The following THSD7B variants were observed in gnomAD, a reference collection of about 807,000 sequenced individuals.
THSD7B encodes thrombospondin type-1 domain-containing protein 7B.
THSD7B carries 138 observed loss-of-function variants against 213.6 expected under a neutral mutation model. The observed-to-expected ratio is 0.65, with a 90% CI of 0.56 to 0.74. The LOEUF (loss-of-function observed/expected upper bound fraction) is 0.74. Ranked by LOEUF, THSD7B falls within the 30% of genes least tolerant of loss-of-function variation. The probability of loss-of-function intolerance (pLI) is 0.00; values close to 1 mark genes in which losing one functional copy is unlikely to be tolerated. For synonymous variants in THSD7B, 742 were observed against 687.0 expected, an observed-to-expected ratio of 1.08 and a Z score of -1.25; for missense variants, 1,931 against 1,991.5, an observed-to-expected ratio of 0.97 and a Z score of 0.58.
At chr2:137,255,157 C>A (rs1323002834) in intron 10 of THSD7B, among the ~76,000 whole-genome samples, 1 of 152,006 alleles carries the variant, frequency 6.6e-6, no homozygotes, top group African/African-American at 2.4e-5. Flanking sequence ...TTCCTTCCAC[C>A]CAAAATCAGA....
intron 21 of THSD7B, among the ~76,000 whole-genome samples, chr2:137,649,370 A>G (rs1317411930): frequency 6.6e-6 from 1 of 152,302 alleles, no homozygotes; most frequent in Non-Finnish European, 1.5e-5. Context: ...CCTGGAGCAT[A>G]TTCCCAAAGT....
chr2:137,140,122 A>T (rs1370451467), intron 5 of THSD7B, among the ~76,000 whole-genome samples: 1 of 152,126 alleles, frequency 6.6e-6, no homozygotes, highest in East Asian at 1.9e-4. Flanking sequence ...TGGCATAAAT[A>T]GTTTTTGGTG....
At chr2:137,183,492 T>C (rs963955121) in intron 7 of THSD7B, among the ~76,000 whole-genome samples, 4 of 152,174 alleles carry the variant, frequency 2.6e-5, no homozygotes, top group African/African-American at 7.2e-5. Flanking sequence ...AAATCATGAT[T>C]GTAAAAAGTT....
intron 17 of THSD7B, among the ~76,000 whole-genome samples, chr2:137,583,298 C>A (rs1029558742): frequency 2.6e-5 from 4 of 152,252 alleles, no homozygotes; most frequent in East Asian, 3.9e-4. Context: ...TGCCTGTTCA[C>A]TCTGATGGTA....
At chr2:137,264,503 C>A (rs1412150494) in intron 10 of THSD7B, among the ~76,000 whole-genome samples, 1 of 152,182 alleles carries the variant, frequency 6.6e-6, no homozygotes, top group East Asian at 1.9e-4. Context: ...CCACCTCAGC[C>A]TCCCAAAGTG....
chr2:137,385,199 A>G (rs946485199), intron 12 of THSD7B, among the ~76,000 whole-genome samples: 3 of 152,210 alleles, frequency 2.0e-5, no homozygotes, highest in African/African-American at 7.2e-5. Context: ...TTAAACAAGA[A>G]AGAAACTAAT....
intron 12 of THSD7B, among the ~76,000 whole-genome samples, chr2:137,312,401 T>G (rs1683939702): frequency 6.7e-6 from 1 of 148,378 alleles, no homozygotes; most frequent in African/African-American, 2.5e-5. Flanking sequence ...CTCTCTTTTT[T>G]TCTTTATTCG....
chr2:137,456,461 T>C (rs1687765734), intron 15 of THSD7B, among the ~76,000 whole-genome samples: 1 of 152,214 alleles, frequency 6.6e-6, no homozygotes, highest in Admixed American at 6.5e-5. Context: ...TCAGATTTAA[T>C]TTGGTTTTAT....
chr2:137,059,138 T>C (rs889717827), intron 3 of THSD7B, among the ~76,000 whole-genome samples: 5 of 151,976 alleles, frequency 3.3e-5, no homozygotes, highest in African/African-American at 4.8e-5. Flanking sequence ...AAGATGGCCA[T>C]CTTCTTGCTG....
At chr2:137,541,606 A>G (rs1335860290) in intron 15 of THSD7B, among the ~76,000 whole-genome samples, 1 of 151,748 alleles carries the variant, frequency 6.6e-6, no homozygotes, top group African/African-American at 2.4e-5. Context: ...TGTTAACTAT[A>G]GTCATGCTAC....
At chr2:137,491,418 A>G (rs1343968338) in intron 15 of THSD7B, among the ~76,000 whole-genome samples, 2 of 152,202 alleles carry the variant, frequency 1.3e-5, no homozygotes, top group African/African-American at 4.8e-5. Context: ...ACTATTTCTG[A>G]ATTTGCCCAT....
chr2:137,514,277 A>T (rs979580680), intron 15 of THSD7B, among the ~76,000 whole-genome samples: 2 of 152,164 alleles, frequency 1.3e-5, no homozygotes, highest in African/African-American at 4.8e-5. Context: ...ACCCACCCTC[A>T]ATCCGGGTGG....
At chr2:137,402,205 T>A (rs1305812101) in intron 12 of THSD7B, among the ~76,000 whole-genome samples, 2 of 152,346 alleles carry the variant, frequency 1.3e-5, no homozygotes, top group Non-Finnish European at 1.5e-5. Context: ...TACTAGGGCA[T>A]GAAGAATTAA....
At chr2:137,072,570 C>G (rs1366805082) in intron 3 of THSD7B, among the ~76,000 whole-genome samples, 1 of 152,144 alleles carries the variant, frequency 6.6e-6, no homozygotes, top group East Asian at 1.9e-4. Flanking sequence ...TTGACTTCCT[C>G]TTTTCCTAAT....
At chr2:136,872,386 G>C (rs1296238062) in intron 1 of THSD7B, among the ~76,000 whole-genome samples, 1 of 118,048 alleles carries the variant, frequency 8.5e-6, no homozygotes, top group Non-Finnish European at 1.7e-5. Flanking sequence ...TTTTTTCGGG[G>C]GGGTGGGGGG....
chr2:136,906,936 GTTTTTTTTTTTTTTT>G (rs57887270), intron 2 of THSD7B, among the ~76,000 whole-genome samples: 12 of 55,130 alleles, frequency 2.2e-4, no homozygotes, highest in Admixed American at 7.4e-4. Context: ...ACATTTCAAG[GTTTTTTTTTTTTTTT>G]TTTTTTTTTT....
At chr2:137,448,109 G>A (rs1424628867) in intron 14 of THSD7B, among the ~76,000 whole-genome samples, 1 of 152,214 alleles carries the variant, frequency 6.6e-6, no homozygotes, top group Non-Finnish European at 1.5e-5. Flanking sequence ...AGAGTGAGAA[G>A]AAAACTCAGA....
chr2:136,844,562 T>A (rs1396243218), intron 1 of THSD7B, among the ~76,000 whole-genome samples: 1 of 152,048 alleles, frequency 6.6e-6, no homozygotes. Context: ...TGTCTCCTGA[T>A]GACCAAGCCT....
intron 2 of THSD7B, among the ~76,000 whole-genome samples, chr2:137,029,897 G>A (rs7606776): frequency 0.63 from 95,828 of 152,028 alleles, 30,938 homozygotes; most frequent in South Asian, 0.76. Context: ...TGAGGAGCTG[G>A]TTGCCTGTTG....
Sources: gnomAD v4.1 joint callset for allele counts (sites outside exome capture counted in the v4.1 genomes callset) on GRCh38, gnomAD v4.1.1 for gene constraint, MANE v1.5 for transcripts, NCBI Gene and HGNC (gene_info 2026-07-23, HGNC 2026-07-21) for gene names.